PIEZO2: variants seen among roughly 807,000 people sequenced by gnomAD.
PIEZO2 encodes the protein piezo-type mechanosensitive ion channel component 2.
Under a neutral mutation model 337.3 loss-of-function variants are expected in PIEZO2, and 172 were observed. The observed-to-expected ratio is 0.51, with a 90% confidence interval of 0.45 to 0.58. The LOEUF (loss-of-function observed/expected upper bound fraction) is 0.58. Among genes scored for constraint, PIEZO2 ranks in the 20% least tolerant of loss-of-function variants. PIEZO2 has a pLI of 0.00. For synonymous variants in PIEZO2, 1,251 were observed against 1,228.5 expected (o/e 1.02, Z -0.38); for missense variants, 3,028 against 3,391.3 (o/e 0.89, Z 2.66).
chr18:10,910,944 C>A (rs973215429), intron 4 of PIEZO2, among the ~76,000 whole-genome samples: 1 of 151,430 alleles, frequency 6.6e-6, no homozygotes, highest in Non-Finnish European at 1.5e-5. Flanking sequence ...GTTCAAGATG[C>A]GTTTTCACAT....
chr18:10,994,952 G>T (rs1177975991), intron 2 of PIEZO2, among the ~76,000 whole-genome samples: 1 of 151,558 alleles, frequency 6.6e-6, no homozygotes, highest in Non-Finnish European at 1.5e-5. Flanking sequence ...AGGTGCCTTA[G>T]TCTCAGCTAC....
In PIEZO2 at chr18:10,682,052, G is replaced by A; in HGVS notation, c.7686+52C>T. 1 of 1,469,026 alleles carries A rather than the reference G, an allele frequency of 6.8e-7. No homozygotes were observed. The highest frequency in any genetic ancestry group is 9.1e-7 in the Non-Finnish European group (1 of 1,102,010). The allele number at this position is 1,469,026 out of a possible 1,614,324, so 91.0% of individuals were successfully genotyped here. ...ACACCCTACAGACAGCTATCATAAA[G>A]GAATGTGGCGTGGGGCAAGGCTCTG... On this transcript the variant is annotated intron_variant, in intron 50 of 55. Transcript: ENST00000674853. This position sits in a 1 kb window ranked among gnomAD's most constrained non-coding sequence, Gnocchi z 5.6.
chr18:10,800,171 C>G (rs1346409698), intron 11 of PIEZO2, among the ~76,000 whole-genome samples, 166 bp downstream of exon 11: 1 of 152,068 alleles, frequency 6.6e-6, no homozygotes, highest in Non-Finnish European at 1.5e-5. Flanking sequence ...ACACAACTAG[C>G]AATATGCTGG....
chr18:10,804,336 G>A (rs974183415), intron 8 of PIEZO2, among the ~76,000 whole-genome samples: 1 of 152,164 alleles, frequency 6.6e-6, no homozygotes, highest in Admixed American at 6.5e-5. Context: ...AAAGGTGCGC[G>A]GTTAACCGTG....
rs539168628 is a variant in PIEZO2 at position 11,092,983 on chromosome 18, A to G, written c.65-26761T>C. Reference sequence around the variant, plus strand: ...CTTACCCCAAAGCCTAACGAGCCCAAGAGCTTATAATATCGAGTGTGTTTG... The same window carrying G: ...CTTACCCCAAAGCCTAACGAGCCCAGGAGCTTATAATATCGAGTGTGTTTG... On this transcript the variant is annotated intron_variant, in intron 1 of 55. Transcript: ENST00000674853. The surrounding 1 kb of genome is among the most constrained non-coding windows in gnomAD (Gnocchi z 4.5). Among the ~76,000 whole-genome samples the G allele has an allele frequency of 6.6e-6, 1 of 152,320 alleles. No individual in the cohort carries two copies. The highest frequency in any genetic ancestry group is 6.5e-5 in the Admixed American group (1 of 15,302).
rs541648193 is a variant in PIEZO2, at chr18:10,846,607, G to T, written c.917+8746C>A. ...GCCCATCATGGCTCTGAAGAACTGG[G>T]TCCTAGTGAGTCAGACATATGCATG... On this transcript the variant is annotated intron_variant, in intron 7 of 55. Coordinates refer to ENST00000674853, the MANE Select transcript of PIEZO2 (RefSeq NM_001378183.1). The surrounding 1 kb of genome is among the most constrained non-coding windows in gnomAD (Gnocchi z 4.1). 6.6e-6 allele frequency among the ~76,000 whole-genome samples: 1 copy of T among 152,284 alleles called. No individual in the cohort carries two copies. Among genetic ancestry groups the T allele is most frequent in the South Asian group, 2.1e-4 (1 of 4,816 alleles).
chr18:11,002,086 T>C lies in PIEZO2; in HGVS notation c.161-22426A>G, dbSNP rs1311500658. Among the ~76,000 whole-genome samples, 1 of 152,242 alleles carries C rather than the reference T, an allele frequency of 6.6e-6. No homozygotes were observed. Among genetic ancestry groups the C allele is most frequent in the African/African-American group, 2.4e-5 (1 of 41,464 alleles). On this transcript the variant is annotated intron_variant, in intron 2 of 55. Coordinates refer to ENST00000674853, the MANE Select transcript of PIEZO2 (RefSeq NM_001378183.1). This position sits in a 1 kb window ranked among gnomAD's most constrained non-coding sequence, Gnocchi z 4.3. The stretch of plus-strand genomic sequence containing the variant: ...TGTTACAATGACTCAATTCTGCTAC[T>C]GTAGCAAATAGCCATAGAAAATACA...
chr18:11,045,179 C>T (rs903889202), intron 2 of PIEZO2, among the ~76,000 whole-genome samples: 1 of 150,860 alleles, frequency 6.6e-6, no homozygotes. Flanking sequence ...CGACTGTAGT[C>T]TCAGCTACCT....
At chr18:10,995,083 A>AAAAAAAAAAAAAAG (rs1555689867) in intron 2 of PIEZO2, among the ~76,000 whole-genome samples, 952 of 59,742 alleles carry the variant, frequency 0.016, 16 homozygotes, top group African/African-American at 0.059. Flanking sequence ...GTCTCAAAAA[A>AAAAAAAAAAAAAAG]AAAAAAAAAA....
At chr18:11,020,037 T>C (rs1177169848) in intron 2 of PIEZO2, among the ~76,000 whole-genome samples, 1 of 152,134 alleles carries the variant, frequency 6.6e-6, no homozygotes, top group Non-Finnish European at 1.5e-5. Flanking sequence ...CAATAAATCT[T>C]CTCTTTAAAA....
chr18:11,040,621 G>A (rs1246088316), intron 2 of PIEZO2, among the ~76,000 whole-genome samples: 1 of 152,152 alleles, frequency 6.6e-6, no homozygotes, highest in Non-Finnish European at 1.5e-5. Context: ...TATGATCTAT[G>A]TACCTGCATA....
rs1471682908 is a variant in PIEZO2, at chr18:11,097,436, T to C, written c.65-31214A>G. ...CTGCCCGGCCCCTCACAGAAAAAGT[T>C]TGCTGGTCACAGATGTAGAAGGATT... On this transcript the variant is annotated intron_variant, in intron 1 of 55. Transcript: ENST00000674853. This position sits in a 1 kb window ranked among gnomAD's most constrained non-coding sequence, Gnocchi z 5.0. Among the ~76,000 whole-genome samples, 2 of 152,204 alleles carry C rather than the reference T, an allele frequency of 1.3e-5. No individual in the cohort carries two copies. The highest frequency in any genetic ancestry group is 4.8e-5 in the African/African-American group (2 of 41,454).
Position 10,899,905 on chromosome 18 carries a change from C to T in PIEZO2, c.329+11281G>A, listed in dbSNP as rs189451878. Among the ~76,000 whole-genome samples the T allele has an allele frequency of 9.9e-5, 15 of 152,224 alleles. No individual in the cohort carries two copies. Among genetic ancestry groups the T allele is most frequent in the South Asian group, 2.1e-4 (1 of 4,816 alleles). On this transcript the variant is annotated intron_variant, in intron 4 of 55. Transcript: ENST00000674853. This position sits in a 1 kb window ranked among gnomAD's most constrained non-coding sequence, Gnocchi z 4.6. ...GTAGGATCTCATTGTCATTCATTAA[C>T]TCGAAGACTGTTTATATTAGTCATA... is the stretch of plus-strand genomic sequence containing the variant.
At chr18:11,093,722 G>A (rs1293884873) in intron 1 of PIEZO2, among the ~76,000 whole-genome samples, 1 of 151,552 alleles carries the variant, frequency 6.6e-6, no homozygotes, top group African/African-American at 2.4e-5. Flanking sequence ...GAGTAGCTCG[G>A]ACTACAGGCG....
At position 11,078,046 on chromosome 18, in the gene PIEZO2, CCACACA is replaced by C. The variant is rs35766286; in HGVS notation, c.65-11830_65-11825del. ...TGCGTGCACACACACCCACACACAC[CCACACA>C]CACACACACACACACCACACACACA... On this transcript the variant is annotated intron_variant, in intron 1 of 55. Coordinates refer to ENST00000674853, the MANE Select transcript of PIEZO2 (RefSeq NM_001378183.1). This position sits in a 1 kb window ranked among gnomAD's most constrained non-coding sequence, Gnocchi z 5.3. 0.03 allele frequency among the ~76,000 whole-genome samples: 4,141 copies of C among 135,860 alleles called. 109 individuals are homozygous for C. The highest frequency in any genetic ancestry group is 0.097 in the East Asian group (439 of 4,540). 89.1% of individuals were successfully genotyped at this position (135,860 alleles called of 152,430 possible).
Position 11,148,881 on chromosome 18 carries a change from CA to C in PIEZO2, c.-294del. ...CATTTAGTGTGAATCCTGGATCCGG[CA>C]GCGGCGGCGGCTTCTTCAGGGGTAG... On this transcript the variant is annotated 5_prime_UTR_variant, in exon 1 of 56. Coordinates refer to ENST00000674853, the MANE Select transcript of PIEZO2 (RefSeq NM_001378183.1). The surrounding 1 kb of genome is among the most constrained non-coding windows in gnomAD (Gnocchi z 5.2). 1 of 359,314 alleles carries C rather than the reference CA, an allele frequency of 2.8e-6. No homozygotes were observed. Among genetic ancestry groups the C allele is most frequent in the Non-Finnish European group, 4.9e-6 (1 of 202,746 alleles). 22.3% of individuals were successfully genotyped at this position (359,314 alleles called of 1,614,324 possible).
At chr18:10,880,225 G>A (rs2042376652) in intron 4 of PIEZO2, among the ~76,000 whole-genome samples, 1 of 152,188 alleles carries the variant, frequency 6.6e-6, no homozygotes, top group Admixed American at 6.5e-5. Context: ...TTGAGGCACT[G>A]ATGGCCATGC....
intron 29 of PIEZO2, 111 bp downstream of exon 29, chr18:10,749,980 C>T (rs2037583337): frequency 2.6e-6 from 2 of 760,672 alleles, no homozygotes; most frequent in African/African-American, 3.5e-5. Context: ...CTGGAGAAAA[C>T]TGACCCCACT....
rs2031973937 is a variant in PIEZO2 at position 10,929,880 on chromosome 18, C to T, written c.287-18652G>A. Reference sequence around the variant, plus strand: ...ATGGACTGCCCCTCAGCCCAGGAGGCCCAAAGAAGCCTAAAAAACCAGTTC... The same window carrying T: ...ATGGACTGCCCCTCAGCCCAGGAGGTCCAAAGAAGCCTAAAAAACCAGTTC... On this transcript the variant is annotated intron_variant, in intron 3 of 55. Transcript: ENST00000674853. This position sits in a 1 kb window ranked among gnomAD's most constrained non-coding sequence, Gnocchi z 5.6. 6.6e-6 allele frequency among the ~76,000 whole-genome samples: 1 copy of T among 152,126 alleles called. No individual in the cohort carries two copies. Among genetic ancestry groups the T allele is most frequent in the African/African-American group, 2.4e-5 (1 of 41,418 alleles).
Sources: allele counts gnomAD v4.1 joint callset (sites outside exome capture counted in the v4.1 genomes callset), GRCh38; gene constraint gnomAD v4.1.1; non-coding constraint Gnocchi (gnomAD v3.1); transcripts MANE v1.5; gene names NCBI Gene and HGNC (gene_info 2026-07-23, HGNC 2026-07-21).